The following MMD2 variants were observed in gnomAD, a reference collection of about 807,000 sequenced individuals.
MMD2 encodes monocyte to macrophage differentiation factor 2.
A neutral mutation model predicts 33.5 loss-of-function variants in MMD2; 30 were observed. The ratio of observed to expected loss-of-function variants is 0.90; its 90% CI spans 0.67 to 1.22. The LOEUF (loss-of-function observed/expected upper bound fraction) is 1.22. Among genes scored for constraint, MMD2 ranks in the 50% most tolerant of loss-of-function variants. The pLI is 0.00. For missense variants in MMD2, 364 were observed against 325.4 expected, an observed-to-expected ratio of 1.12 and a Z score of -0.91; for synonymous variants, 129 against 123.0, an observed-to-expected ratio of 1.05 and a Z score of -0.32.
At chr7:4,913,524 C>T (rs1401951264) in intron 4 of MMD2, among the ~76,000 whole-genome samples, 1 of 151,898 alleles carries the variant, frequency 6.6e-6, no homozygotes, top group African/African-American at 2.4e-5. Flanking sequence ...TCAAGACCAG[C>T]CTGGCCCAAA....
chr7:4,934,268 A>T (rs1332876413), intron 1 of MMD2, among the ~76,000 whole-genome samples: 1 of 149,126 alleles, frequency 6.7e-6, no homozygotes, highest in Non-Finnish European at 1.5e-5. Context: ...CACCCAACTA[A>T]TTTTTTTGGA....
chr7:4,948,810 C>A (rs903248511), intron 1 of MMD2, among the ~76,000 whole-genome samples: 3 of 152,052 alleles, frequency 2.0e-5, no homozygotes, highest in Admixed American at 6.6e-5. Flanking sequence ...TTCCAAAATT[C>A]TTTTTAGGTT....
chr7:4,904,434 G>A (rs959076023), downstream of MMD2, among the ~76,000 whole-genome samples: 2 of 152,166 alleles, frequency 1.3e-5, no homozygotes, highest in Non-Finnish European at 2.9e-5. Flanking sequence ...GAAGAGAAAG[G>A]GTTTATGGGA....
chr7:4,925,451 A>G lies in MMD2; in HGVS notation c.129T>C (p.Ala43=). Residue 43 remains alanine (A), a splice_region_variant and synonymous_variant, in exon 2 of 7, where the codon GCT becomes GCC. Coordinates refer to ENST00000401401, the MANE Select transcript of MMD2 (RefSeq NM_198403.4). The part of the protein sequence containing the change: ...YEHAANCATH[A]FWIIPSILGS... ...CTGAGCCCCCCAAAAGCCAACTCAC[A>G]GCATGGGTGGCACAGTTGGCCGCAT... is the stretch of plus-strand genomic sequence containing the variant. The G allele has an allele frequency of 1.3e-6, 2 of 1,538,364 alleles. No homozygotes were observed. Among genetic ancestry groups the G allele is most frequent in the South Asian group, 1.2e-5 (1 of 81,086 alleles).
chr7:4,944,724 CT>C (rs968192032), intron 1 of MMD2, among the ~76,000 whole-genome samples: 2 of 149,102 alleles, frequency 1.3e-5, no homozygotes, highest in African/African-American at 2.5e-5. Context: ...CAACAAATTC[CT>C]TTTTTTCTTT....
intron 2 of MMD2, among the ~76,000 whole-genome samples, chr7:4,922,508 C>T (rs1785314382): frequency 6.6e-6 from 1 of 152,182 alleles, no homozygotes. Flanking sequence ...CATGCTACTT[C>T]ATAATTTGGG....
chr7:4,909,209 C>A (rs1037936936), intron 6 of MMD2, among the ~76,000 whole-genome samples: 3 of 152,012 alleles, frequency 2.0e-5, no homozygotes, highest in Non-Finnish European at 4.4e-5. Flanking sequence ...AAACTCTCCG[C>A]AGGGCACGGT....
Position 4,906,808 on chromosome 7 carries a change from G to C in MMD2, c.*588C>G, listed in dbSNP as rs144916355. On this transcript the variant is annotated 3_prime_UTR_variant, in exon 7 of 7. Transcript: ENST00000401401. ...AGGAAGGGCAAAGAGGTCCCATCAT[G>C]AGTGCCAAATTGATTGGTACTGGCT... 100 of 350,610 alleles carry C rather than the reference G, an allele frequency of 2.9e-4. No individual in the cohort carries two copies. Among genetic ancestry groups the C allele is most frequent in the Non-Finnish European group, 4.5e-4 (87 of 195,006 alleles). 21.7% of individuals were successfully genotyped at this position (350,610 alleles called of 1,614,324 possible). A position where few individuals can be genotyped will look rare whatever the true frequency, so the allele number is the denominator to read the frequency against.
At chr7:4,942,347 G>A (rs752554230) in intron 1 of MMD2, among the ~76,000 whole-genome samples, 30 of 151,822 alleles carry the variant, frequency 2.0e-4, no homozygotes, top group Admixed American at 9.9e-4. Context: ...TGATTCTCCC[G>A]CCTTGGCCTC....
At chr7:4,897,446 C>T in the MMD2 span, among the ~76,000 whole-genome samples, 7 of 152,088 alleles carry the variant, frequency 4.6e-5, no homozygotes, top group Admixed American at 6.5e-5. Context: ...AGTCATGCCG[C>T]AAACGCCACT....
intron 1 of MMD2, among the ~76,000 whole-genome samples, chr7:4,927,333 C>T (rs1583376446): frequency 6.6e-6 from 1 of 152,012 alleles, no homozygotes; most frequent in African/African-American, 2.4e-5. Flanking sequence ...TCACTTTAGG[C>T]CAGGAGTTCG....
Position 4,920,324 on chromosome 7 carries a change from A to G in MMD2, c.137T>C (p.Ile46Thr), listed in dbSNP as rs1461710850. ...AANCATHAFW[I>T]IPSILGSSNL... The stretch of plus-strand genomic sequence containing the variant: ...GGAGCTGCCCAGGATGCTGGGGATG[A>G]TCCAGAACTGGAGGGGCAGGGACGG... The change falls in exon 3 of 7, where the codon ATC becomes ACC. Residue 46 changes from isoleucine to threonine, a missense_variant. Ile to Thr is a moderately conservative substitution (Grantham distance 89, BLOSUM62 -1). Transcript: ENST00000401401. The G allele has an allele frequency of 2.5e-6, 4 of 1,608,022 alleles. No homozygotes were observed. The highest frequency in any genetic ancestry group is 3.4e-6 in the Non-Finnish European group (4 of 1,177,714).
chr7:4,929,306 A>G (rs1375842103), intron 1 of MMD2, among the ~76,000 whole-genome samples: 1 of 151,734 alleles, frequency 6.6e-6, no homozygotes, highest in Non-Finnish European at 1.5e-5. Flanking sequence ...AGAGACACCA[A>G]CCCCCATCTC....
rs866780017 is a variant in MMD2 at position 4,936,579 on chromosome 7, G to A, written c.48-11047C>T. Among the ~76,000 whole-genome samples the A allele has an allele frequency of 2.6e-5, 4 of 152,118 alleles. No homozygotes were observed. The South Asian group carries it at 6.2e-4, about 24-fold the overall frequency. On this transcript the variant is annotated intron_variant, in intron 1 of 6. Coordinates refer to ENST00000401401, the MANE Select transcript of MMD2 (RefSeq NM_198403.4). ...TTTCATTACTAATTTATTTTGTAGA[G>A]ATGGGGTTTCACTGTGTTGCTCAGG...
chr7:4,920,366 A>G (rs1298406134), intron 2 of MMD2, 35 bp from the exon 3 acceptor site: 2 of 1,589,680 alleles, frequency 1.3e-6, no homozygotes, highest in East Asian at 4.6e-5. Context: ...CAGGTGCAGC[A>G]GCTGGGTGGC....
At chr7:4,925,404 CG>C (rs1479720203) in intron 2 of MMD2, 46 bp downstream of exon 2, 3 of 1,432,498 alleles carry the variant, frequency 2.1e-6, no homozygotes, top group African/African-American at 1.5e-5. Context: ...CCCCCTTCCC[CG>C]GAAGTGTCCC....
intron 1 of MMD2, among the ~76,000 whole-genome samples, chr7:4,952,504 G>A (rs766032881): frequency 3.6e-4 from 55 of 152,226 alleles, no homozygotes; most frequent in African/African-American, 1.3e-3. Flanking sequence ...CCGAACCTCC[G>A]CCCAACACTG....
the MMD2 span, among the ~76,000 whole-genome samples, chr7:4,898,380 T>C: frequency 2.0e-5 from 3 of 152,194 alleles, no homozygotes; most frequent in Admixed American, 6.5e-5. Flanking sequence ...TTTCTGGGAA[T>C]GTACCACTAA....
In MMD2 at chr7:4,911,100, A is replaced by G. The variant is rs769052031; in HGVS notation, c.467+45T>C. On this transcript the variant is annotated intron_variant, in intron 5 of 6. Transcript: ENST00000401401. Reference sequence around the variant, plus strand: ...CCAGGAGTGCTGGGGAGGCCAGAGCATCTAAGGGAATCCCGCCTCCCTGAA... The same window carrying G: ...CCAGGAGTGCTGGGGAGGCCAGAGCGTCTAAGGGAATCCCGCCTCCCTGAA... 1.5e-5 allele frequency: 22 copies of G among 1,477,898 alleles called. No individual in the cohort carries two copies. In the South Asian group the frequency reaches 2.5e-4, roughly 17 times the overall value. 91.5% of individuals were successfully genotyped at this position (1,477,898 alleles called of 1,614,324 possible).
Sources: gnomAD v4.1 joint callset for allele counts (sites outside exome capture counted in the v4.1 genomes callset) on GRCh38, gnomAD v4.1.1 for gene constraint, MANE v1.5 for transcripts, NCBI Gene and HGNC (gene_info 2026-07-23, HGNC 2026-07-21) for gene names.